SLC9A9: variants seen among roughly 807,000 people sequenced by gnomAD.
The protein encoded by SLC9A9 is solute carrier family 9 member A9.
A neutral mutation model predicts 77.8 loss-of-function variants in SLC9A9; 62 were observed. That is an observed-to-expected ratio of 0.80 (90% CI 0.65 to 0.98). The LOEUF (loss-of-function observed/expected upper bound fraction) is 0.98, where lower values mean the gene tolerates loss of function less well. Ranked by LOEUF, SLC9A9 falls within the 50% of genes least tolerant of loss-of-function variation. SLC9A9 has a pLI of 0.00. For missense variants in SLC9A9, 775 were observed against 774.9 expected, an observed-to-expected ratio of 1.00 and a Z score of 0.00; for synonymous variants, 320 against 283.5, an observed-to-expected ratio of 1.13 and a Z score of -1.29.
At chr3:143,779,224 G>C (rs1373906876) in intron 4 of SLC9A9, among the ~76,000 whole-genome samples, 1 of 152,164 alleles carries the variant, frequency 6.6e-6, no homozygotes, top group Non-Finnish European at 1.5e-5. Flanking sequence ...TCAGTTTCAA[G>C]GGAGGGTAGG....
At chr3:143,380,614 C>T (rs1374993493) in intron 13 of SLC9A9, among the ~76,000 whole-genome samples, 2 of 152,214 alleles carry the variant, frequency 1.3e-5, no homozygotes, top group African/African-American at 4.8e-5. Flanking sequence ...GGTCACCAGG[C>T]TGGCTCTAAT....
intron 1 of SLC9A9, among the ~76,000 whole-genome samples, chr3:143,845,582 G>A (rs780135773): frequency 5.3e-5 from 8 of 152,136 alleles, no homozygotes; most frequent in Non-Finnish European, 7.3e-5. Context: ...AAAGCACATG[G>A]ACCAGTCATG....
chr3:143,760,020 TA>T (rs1208789930), intron 4 of SLC9A9, among the ~76,000 whole-genome samples: 1 of 152,142 alleles, frequency 6.6e-6, no homozygotes, highest in Admixed American at 6.6e-5. Flanking sequence ...AACAAATGAA[TA>T]AACTTAGAGC....
At chr3:143,398,891 C>A (rs1256196934) in intron 12 of SLC9A9, among the ~76,000 whole-genome samples, 2 of 152,018 alleles carry the variant, frequency 1.3e-5, no homozygotes, top group South Asian at 2.1e-4. Context: ...ATAACTGAAA[C>A]CTTATTTTCA....
At chr3:143,791,848 A>G (rs77635720) in intron 4 of SLC9A9, among the ~76,000 whole-genome samples, 153 of 152,300 alleles carry the variant, frequency 1.0e-3, no homozygotes, top group African/African-American at 3.4e-3. Flanking sequence ...GGACTTCCCA[A>G]ATAAAAATCT....
At chr3:143,341,546 G>A (rs969830541) in intron 14 of SLC9A9, among the ~76,000 whole-genome samples, 1 of 146,718 alleles carries the variant, frequency 6.8e-6, no homozygotes, top group Non-Finnish European at 1.5e-5. Context: ...TGCTTGCCAC[G>A]GTAGGAAAAG....
intron 4 of SLC9A9, among the ~76,000 whole-genome samples, chr3:143,778,005 G>T (rs186709301): frequency 8.8e-6 from 1 of 113,020 alleles, no homozygotes; most frequent in Non-Finnish European, 1.6e-5. Flanking sequence ...GAGCCACCAC[G>T]CCCGGCCCGT....
At chr3:143,652,810 C>CACACACACACACACACAT (rs113827008) in intron 5 of SLC9A9, among the ~76,000 whole-genome samples, 6,793 of 148,142 alleles carry the variant, frequency 0.046, 207 homozygotes, top group African/African-American at 0.06. Context: ...CACACACACA[C>CACACACACACACACACAT]ACTTCTTGCT....
intron 4 of SLC9A9, among the ~76,000 whole-genome samples, chr3:143,707,763 C>A (rs1934024650): frequency 6.6e-6 from 1 of 152,142 alleles, no homozygotes; most frequent in Admixed American, 6.5e-5. Context: ...CTAGAAGTGG[C>A]CACCAGGTTG....
chr3:143,344,745 C>A (rs2032209800), intron 14 of SLC9A9, among the ~76,000 whole-genome samples: 2 of 152,002 alleles, frequency 1.3e-5, no homozygotes, highest in South Asian at 2.1e-4. Context: ...TTTTAAAAAA[C>A]AAAATGTTTC....
intron 4 of SLC9A9, among the ~76,000 whole-genome samples, chr3:143,783,508 C>T (rs1482706073): frequency 6.6e-6 from 1 of 152,132 alleles, no homozygotes; most frequent in African/African-American, 2.4e-5. Flanking sequence ...TACTGACTTA[C>T]CACTTGATCA....
At chr3:143,638,990 A>C (rs1446314439) in intron 6 of SLC9A9, among the ~76,000 whole-genome samples, 1 of 152,228 alleles carries the variant, frequency 6.6e-6, no homozygotes, top group Non-Finnish European at 1.5e-5. Context: ...GTTCTCTGGA[A>C]AGTTTTTTCT....
intron 13 of SLC9A9, among the ~76,000 whole-genome samples, chr3:143,380,049 G>A (rs751031288): frequency 1.4e-4 from 22 of 152,128 alleles, no homozygotes; most frequent in Non-Finnish European, 3.1e-4. Context: ...ACATCCTGGA[G>A]AGGCAGACGT....
At chr3:143,414,687 C>CCT (rs745921507) in intron 12 of SLC9A9, among the ~76,000 whole-genome samples, 3 of 151,644 alleles carry the variant, frequency 2.0e-5, no homozygotes, top group Admixed American at 1.3e-4. Context: ...TAGCTGTTTC[C>CCT]CTCTCTCTCT....
At chr3:143,777,968 C>T (rs1397648410) in intron 4 of SLC9A9, among the ~76,000 whole-genome samples, 1 of 134,748 alleles carries the variant, frequency 7.4e-6, no homozygotes, top group East Asian at 2.3e-4. Context: ...CCGCCTTGGC[C>T]TCCCAAACTG....
chr3:143,848,102 G>A (rs768795068), intron 1 of SLC9A9, 46 bp downstream of exon 1: 5 of 1,560,360 alleles, frequency 3.2e-6, no homozygotes, highest in African/African-American at 2.7e-5. Flanking sequence ...CTCTAATTAC[G>A]CTCAAGCAAC....
intron 6 of SLC9A9, among the ~76,000 whole-genome samples, chr3:143,605,472 A>G (rs1027453133): frequency 1.3e-5 from 2 of 152,232 alleles, no homozygotes; most frequent in Non-Finnish European, 2.9e-5. Context: ...GTGTTGGAAC[A>G]TGAACTTTCT....
intron 14 of SLC9A9, among the ~76,000 whole-genome samples, chr3:143,303,420 G>A (rs1355762894): frequency 6.6e-6 from 1 of 151,764 alleles, no homozygotes; most frequent in Non-Finnish European, 1.5e-5. Context: ...GGCCTCTTGG[G>A]GGCTGGAACA....
intron 14 of SLC9A9, among the ~76,000 whole-genome samples, chr3:143,294,147 T>C (rs1168708045): frequency 6.6e-6 from 1 of 152,240 alleles, no homozygotes; most frequent in African/African-American, 2.4e-5. Flanking sequence ...TCTAGGTGCT[T>C]TAATAATGTC....
Sources: gnomAD v4.1 joint callset for allele counts (sites outside exome capture counted in the v4.1 genomes callset) on GRCh38, gnomAD v4.1.1 for gene constraint, MANE v1.5 for transcripts, NCBI Gene and HGNC (gene_info 2026-07-23, HGNC 2026-07-21) for gene names.